The following SOX6 variants were observed in gnomAD, a reference collection of about 807,000 sequenced individuals.
SOX6 encodes the protein transcription factor SOX-6.
SOX6 carries 11 observed loss-of-function variants against 97.8 expected under a neutral mutation model. The observed-to-expected ratio is 0.11, with a 90% CI of 0.07 to 0.19. The LOEUF is 0.19. Ranked by LOEUF, SOX6 falls within the 10% of genes least tolerant of loss-of-function variation. The pLI is 1.00. For missense variants in SOX6, 810 were observed against 1,039.5 expected (o/e 0.78, Z 3.04); for synonymous variants, 360 against 371.4 (o/e 0.97, Z 0.35).
intron 1 of SOX6, among the ~76,000 whole-genome samples, chr11:16,405,341 C>T (rs1486617343): frequency 2.0e-5 from 3 of 151,940 alleles, no homozygotes; most frequent in East Asian, 3.9e-4. Flanking sequence ...AGACTAAATG[C>T]TAATGACCTA....
intron 9 of SOX6, among the ~76,000 whole-genome samples, chr11:16,078,712 A>G (rs1021494554): frequency 3.3e-5 from 5 of 152,120 alleles, no homozygotes; most frequent in African/African-American, 1.2e-4. Context: ...GATCAGGTAT[A>G]TGAGTATGGG....
At chr11:16,384,637 C>G (rs2134415085) in intron 1 of SOX6, among the ~76,000 whole-genome samples, 1 of 151,780 alleles carries the variant, frequency 6.6e-6, no homozygotes, top group South Asian at 2.1e-4. Flanking sequence ...TAGAAATGAA[C>G]TGATAAAATT....
chr11:16,200,561 T>A (rs1851907244), intron 4 of SOX6, among the ~76,000 whole-genome samples: 1 of 152,174 alleles, frequency 6.6e-6, no homozygotes. Flanking sequence ...TATCTCTTAA[T>A]CTCTTTCTAA....
intron 3 of SOX6, among the ~76,000 whole-genome samples, chr11:16,288,942 TG>T (rs1033007592): frequency 9.2e-5 from 14 of 151,980 alleles, no homozygotes; most frequent in African/African-American, 3.4e-4. Flanking sequence ...AGCTAATTTC[TG>T]ACCTTTGTTT....
chr11:16,266,703 A>G (rs1035433086), intron 3 of SOX6, among the ~76,000 whole-genome samples: 9 of 151,636 alleles, frequency 5.9e-5, no homozygotes, highest in Admixed American at 4.6e-4. Context: ...TACTATGAAC[A>G]TCTCTTGAAG....
At chr11:16,479,782 T>C (rs1275638440), upstream of SOX6, among the ~76,000 whole-genome samples, 1 of 152,140 alleles carries the variant, frequency 6.6e-6, no homozygotes, top group Non-Finnish European at 1.5e-5. Context: ...TGTATGACTT[T>C]TCTGAATGGC....
chr11:16,210,719 C>T (rs769219188), intron 4 of SOX6, among the ~76,000 whole-genome samples: 9 of 152,170 alleles, frequency 5.9e-5, no homozygotes, highest in African/African-American at 1.7e-4. Context: ...AGGCATCTCT[C>T]GCACTCACTA....
chr11:16,538,863 C>T (rs1861355396), intron 4 of SOX6, among the ~76,000 whole-genome samples: 1 of 152,136 alleles, frequency 6.6e-6, no homozygotes, highest in Non-Finnish European at 1.5e-5. Context: ...CAGACTCCCA[C>T]ACAACAATAA....
chr11:16,083,592 A>G (rs1186286035), intron 9 of SOX6, among the ~76,000 whole-genome samples: 1 of 152,180 alleles, frequency 6.6e-6, no homozygotes, highest in Non-Finnish European at 1.5e-5. Flanking sequence ...ATTTAGTTAA[A>G]TCTATGTACA....
At chr11:16,530,627 T>C (rs940018626) in intron 4 of SOX6, among the ~76,000 whole-genome samples, 1 of 152,028 alleles carries the variant, frequency 6.6e-6, no homozygotes, top group African/African-American at 2.4e-5. Flanking sequence ...TTGATTAAAG[T>C]GATAAGACTT....
chr11:16,027,746 T>C (rs1201218918), intron 12 of SOX6, among the ~76,000 whole-genome samples: 1 of 152,206 alleles, frequency 6.6e-6, no homozygotes, highest in African/African-American at 2.4e-5. Context: ...CTCCACGTGC[T>C]GCATATGAGA....
At chr11:16,296,653 G>A (rs759901851) in intron 3 of SOX6, among the ~76,000 whole-genome samples, 2 of 152,018 alleles carry the variant, frequency 1.3e-5, no homozygotes, top group Non-Finnish European at 2.9e-5. Context: ...GAGAAGAAAC[G>A]GCAAGTGGCA....
At chr11:16,136,257 A>G (rs1238491720) in intron 6 of SOX6, among the ~76,000 whole-genome samples, 1 of 151,736 alleles carries the variant, frequency 6.6e-6, no homozygotes, top group East Asian at 1.9e-4. Context: ...TGACCTCGTC[A>G]TCCACCCGCC....
intron 2 of SOX6, among the ~76,000 whole-genome samples, chr11:16,724,620 T>C (rs1375886006): frequency 3.9e-5 from 6 of 152,188 alleles, no homozygotes; most frequent in Admixed American, 2.0e-4. Flanking sequence ...CTCAGCAATC[T>C]AGGCTTAAAC....
chr11:16,433,232 C>T lies in SOX6; in HGVS notation c.-5+43083G>A, dbSNP rs150583692. 7.0e-4 allele frequency among the ~76,000 whole-genome samples: 107 copies of T among 152,122 alleles called. 2 individuals carry two copies. The East Asian group carries it at 0.02, about 29-fold the overall frequency. ...CAAATAGTTTTCTCATAACAAAACA[C>T]ATCCATTCGTTATTTTTCCATTCTC... On this transcript the variant is annotated intron_variant, in intron 1 of 15. Transcript: ENST00000396356.
At position 16,462,200 on chromosome 11, in the gene SOX6, A is replaced by C. The variant is rs139388720; in HGVS notation, c.-5+14115T>G. Among the ~76,000 whole-genome samples, 521 of 152,372 alleles carry C rather than the reference A, an allele frequency of 3.4e-3. 4 individuals are homozygous for C. Among genetic ancestry groups the C allele is most frequent in the African/African-American group, 0.011 (466 of 41,594 alleles). On this transcript the variant is annotated intron_variant, in intron 1 of 15. Coordinates refer to the SOX6 transcript ENST00000396356. ...ACCACTGGTTATACCATCCAGAATG[A>C]AGATCCTAATAGTGTCAGAACACTT... is the stretch of plus-strand genomic sequence containing the variant.
intron 6 of SOX6, among the ~76,000 whole-genome samples, chr11:16,168,200 A>G (rs1401280107): frequency 2.0e-5 from 3 of 152,150 alleles, no homozygotes; most frequent in Non-Finnish European, 2.9e-5. Context: ...ATGTGATAAG[A>G]GGTATTTTGA....
chr11:16,707,517 T>C (rs1489271379), intron 3 of SOX6, among the ~76,000 whole-genome samples: 2 of 152,166 alleles, frequency 1.3e-5, no homozygotes, highest in African/African-American at 4.8e-5. Flanking sequence ...TAATGATTTA[T>C]TGAGGTAAAT....
At chr11:16,550,017 A>C (rs1440193050) in intron 4 of SOX6, among the ~76,000 whole-genome samples, 1 of 152,202 alleles carries the variant, frequency 6.6e-6, no homozygotes, top group African/African-American at 2.4e-5. Flanking sequence ...TAGAATTAGA[A>C]ATACCATTTG....
Sources: allele counts gnomAD v4.1 joint callset (sites outside exome capture counted in the v4.1 genomes callset), GRCh38; gene constraint gnomAD v4.1.1; transcripts MANE v1.5; gene names NCBI Gene and HGNC (gene_info 2026-07-23, HGNC 2026-07-21).